CELSR1: variants seen among roughly 807,000 people sequenced by gnomAD.
CELSR1 encodes the protein cadherin EGF LAG seven-pass G-type receptor 1.
CELSR1 carries 110 observed loss-of-function variants against 249.1 expected under a neutral mutation model. The observed-to-expected ratio is 0.44, with a 90% CI of 0.38 to 0.52. CELSR1 has a LOEUF of 0.52. Ranked by LOEUF, CELSR1 falls within the 20% of genes least tolerant of loss-of-function variation. The pLI, the probability that CELSR1 is intolerant of heterozygous loss-of-function variation, is 0.00. For missense variants in CELSR1, 4,109 were observed against 4,296.4 expected, an observed-to-expected ratio of 0.96 and a Z score of 1.22; for synonymous variants, 2,113 against 1,900.0, an observed-to-expected ratio of 1.11 and a Z score of -2.92.
chr22:46,445,552 C>T lies in CELSR1; in HGVS notation c.4184-6141G>A, dbSNP rs1467921220. Reference sequence around the variant, plus strand: ...TTGGATTTAGGGTCCACCCTAAATCCACGATGACTTAAGGACCCAAACTCA... The same window carrying T: ...TTGGATTTAGGGTCCACCCTAAATCTACGATGACTTAAGGACCCAAACTCA... On this transcript the variant is annotated intron_variant, in intron 2 of 34. Transcript: ENST00000674500. This position sits in a 1 kb window ranked among gnomAD's most constrained non-coding sequence, Gnocchi z 4.4. Among the ~76,000 whole-genome samples the T allele has an allele frequency of 2.6e-5, 4 of 152,026 alleles. No individual in the cohort carries two copies. Among genetic ancestry groups the T allele is most frequent in the Non-Finnish European group, 5.9e-5 (4 of 67,992 alleles).
chr22:46,395,431 T>A lies in CELSR1; in HGVS notation c.5844-1169A>T, dbSNP rs764132058. 9.9e-5 allele frequency among the ~76,000 whole-genome samples: 15 copies of A among 151,938 alleles called. No individual in the cohort carries two copies. The highest frequency in any genetic ancestry group is 4.6e-4 in the Admixed American group (7 of 15,246). ...CCTCTCTAGATCAGCCTCATCCCCT[T>A]ACTCCTCTCCAGCTTGGCTCTGTTG... On this transcript the variant is annotated intron_variant, in intron 13 of 34. Transcript: ENST00000674500. The surrounding 1 kb of genome is among the most constrained non-coding windows in gnomAD (Gnocchi z 5.5).
At position 46,454,668 on chromosome 22, in the gene CELSR1, C is replaced by T. The variant is rs1034779967; in HGVS notation, c.4183+9039G>A. ...TCAGCTCGCCCACCTCCAAGCTGTC[C>T]GGGTGGGACGCGGGAAACCCTCTGC... On this transcript the variant is annotated intron_variant, in intron 2 of 34. Transcript: ENST00000674500. This position sits in a 1 kb window ranked among gnomAD's most constrained non-coding sequence, Gnocchi z 5.1. 2.6e-5 allele frequency among the ~76,000 whole-genome samples: 4 copies of T among 152,366 alleles called. No individual in the cohort carries two copies. The East Asian group carries it at 5.8e-4, about 22-fold the overall frequency.
rs1307098543 is a variant in CELSR1, at chr22:46,527,256, C to T, written c.3544+6371G>A. On this transcript the variant is annotated intron_variant, in intron 1 of 34. Coordinates refer to ENST00000674500, the MANE Select transcript of CELSR1 (RefSeq NM_001378328.1). This position sits in a 1 kb window ranked among gnomAD's most constrained non-coding sequence, Gnocchi z 5.5. ...GTCTGACCATCTAAGCTGGCAAAGC[C>T]CTCCTCAGCCACCCCCATGCTGGAG... is the stretch of plus-strand genomic sequence containing the variant. Among the ~76,000 whole-genome samples, 1 of 152,142 alleles carries T rather than the reference C, an allele frequency of 6.6e-6. No homozygotes were observed. Among genetic ancestry groups the T allele is most frequent in the Admixed American group, 6.6e-5 (1 of 15,266 alleles).
intron 24 of CELSR1, among the ~76,000 whole-genome samples, chr22:46,373,667 AGGGGGAGAT>A (rs756002744): frequency 0.079 from 4,005 of 50,856 alleles, 150 homozygotes; most frequent in Non-Finnish European, 0.1. Context: ...ATGGGGGAGA[AGGGGGAGAT>A]GGGGGAGATG....
At chr22:46,373,203 C>T in intron 24 of CELSR1, 146 bp from the exon 25 acceptor site, 1 of 883,106 alleles carries the variant, frequency 1.1e-6, no homozygotes, top group Non-Finnish European at 1.6e-6. Flanking sequence ...ACATGTCTGG[C>T]CAATGGCTGA....
Position 46,420,411 on chromosome 22 carries a change from CTT to C in CELSR1, c.4612-8654_4612-8653del, listed in dbSNP as rs200449415. Among the ~76,000 whole-genome samples the C allele has an allele frequency of 5.6e-3, 851 of 152,238 alleles. 10 individuals are homozygous for C. The highest frequency in any genetic ancestry group is 0.016 in the African/African-American group (657 of 41,556). ...ACTCACCCACACATTTACACGTGTGCTTCTTCACACACGTGCACACACCCACA... is the reference window on the plus strand; with the variant it reads ...ACTCACCCACACATTTACACGTGTGCCTTCACACACGTGCACACACCCACA... On this transcript the variant is annotated intron_variant, in intron 5 of 34. Coordinates refer to ENST00000674500, the MANE Select transcript of CELSR1 (RefSeq NM_001378328.1).
At position 46,417,883 on chromosome 22, in the gene CELSR1, C is replaced by T. The variant is rs986869363; in HGVS notation, c.4612-6124G>A. ...GAGTCCAGCTGGGCGGGCCCAAGGCCGGCGGGGGGCTCACAGGACAGCAGT... is the reference window on the plus strand; with the variant it reads ...GAGTCCAGCTGGGCGGGCCCAAGGCTGGCGGGGGGCTCACAGGACAGCAGT... On this transcript the variant is annotated intron_variant, in intron 5 of 34. Coordinates refer to ENST00000674500, the MANE Select transcript of CELSR1 (RefSeq NM_001378328.1). This position sits in a 1 kb window ranked among gnomAD's most constrained non-coding sequence, Gnocchi z 4.1. 6.6e-6 allele frequency among the ~76,000 whole-genome samples: 1 copy of T among 152,190 alleles called. No homozygotes were observed. The highest frequency in any genetic ancestry group is 1.5e-5 in the Non-Finnish European group (1 of 68,044).
In CELSR1 at chr22:46,366,570, C is replaced by A. The variant is rs553721996; in HGVS notation, c.8206-90G>T. ...GACTCTGTCCCCACGGCAAGCCCCC[C>A]ACACCCACACCCTGGCTGGGCCCCT... is the stretch of plus-strand genomic sequence containing the variant. On this transcript the variant is annotated intron_variant, in intron 29 of 34. Transcript: ENST00000674500. The A allele has an allele frequency of 1.9e-4, 190 of 1,026,460 alleles. 1 individual carries two copies. In the African/African-American group the frequency reaches 2.7e-3, roughly 15 times the overall value. 63.6% of individuals were successfully genotyped at this position (1,026,460 alleles called of 1,614,324 possible). A position where few individuals can be genotyped will look rare whatever the true frequency, so the allele number is the denominator to read the frequency against.
rs140558529 is a variant in CELSR1 at position 46,380,865 on chromosome 22, G to A, written c.7179C>T (p.Pro2393=). ...GAPLPRPLER[P]VLVEFALLEV... ...CCAGCAGGGCGAACTCCACCAGGACGGGCCTCTCCAGGGGTCTCGGGAGCG... is the reference window on the plus strand; with the variant it reads ...CCAGCAGGGCGAACTCCACCAGGACAGGCCTCTCCAGGGGTCTCGGGAGCG... Residue 2393 remains proline (P), a synonymous_variant, in exon 22 of 35, where the codon CCC becomes CCT. Transcript: ENST00000674500. This position sits in a 1 kb window ranked among gnomAD's most constrained non-coding sequence, Gnocchi z 5.1. 1.7e-5 allele frequency: 28 copies of A among 1,612,796 alleles called. No individual in the cohort carries two copies. Among genetic ancestry groups the A allele is most frequent in the East Asian group, 1.1e-4 (5 of 44,894 alleles).
At position 46,428,148 on chromosome 22, in the gene CELSR1, C is replaced by T. The variant is rs1477077669; in HGVS notation, c.4611+5245G>A. Among the ~76,000 whole-genome samples the T allele has an allele frequency of 6.6e-6, 1 of 152,212 alleles. No individual in the cohort carries two copies. The highest frequency in any genetic ancestry group is 2.4e-5 in the African/African-American group (1 of 41,464). ...CTCAACAGAAGCAGAGGCCGGTCCT[C>T]CGGTTTGTTGCAACCGGGCCTCATG... On this transcript the variant is annotated intron_variant, in intron 5 of 34. Transcript: ENST00000674500. The surrounding 1 kb of genome is among the most constrained non-coding windows in gnomAD (Gnocchi z 5.7).
At chr22:46,474,150 C>T (rs945791459) in intron 1 of CELSR1, among the ~76,000 whole-genome samples, 1 of 152,150 alleles carries the variant, frequency 6.6e-6, no homozygotes, top group African/African-American at 2.4e-5. Context: ...CCTGTGTTAA[C>T]CTTGCAGTCA....
At chr22:46,522,504 G>A (rs1423586222) in intron 1 of CELSR1, among the ~76,000 whole-genome samples, 1 of 152,104 alleles carries the variant, frequency 6.6e-6, no homozygotes, top group Non-Finnish European at 1.5e-5. Flanking sequence ...GTCTATTCAA[G>A]TCCTTTGCTC....
At chr22:46,371,579 T>C (rs1008201761) in intron 25 of CELSR1, among the ~76,000 whole-genome samples, 2 of 151,706 alleles carry the variant, frequency 1.3e-5, no homozygotes, top group Non-Finnish European at 2.9e-5. Context: ...CACCCACCCA[T>C]CCATTTACTC....
Position 46,500,178 on chromosome 22 carries a change from G to A in CELSR1, c.3544+33449C>T, listed in dbSNP as rs915815261. ...CCCCAGCCCCTGGTCCTCCCAGCAT[G>A]ATCCCACCCCAGCCCCTGGTCCTCC... On this transcript the variant is annotated intron_variant, in intron 1 of 34. Coordinates refer to ENST00000674500, the MANE Select transcript of CELSR1 (RefSeq NM_001378328.1). This position sits in a 1 kb window ranked among gnomAD's most constrained non-coding sequence, Gnocchi z 4.9. 3.7e-5 allele frequency among the ~76,000 whole-genome samples: 5 copies of A among 135,978 alleles called. No individual in the cohort carries two copies. Among genetic ancestry groups the A allele is most frequent in the African/African-American group, 1.5e-4 (5 of 33,522 alleles). 89.2% of individuals were successfully genotyped at this position (135,978 alleles called of 152,430 possible).
At chr22:46,431,650 C>T (rs2079596983) in intron 5 of CELSR1, among the ~76,000 whole-genome samples, 1 of 152,184 alleles carries the variant, frequency 6.6e-6, no homozygotes, top group South Asian at 2.1e-4. Flanking sequence ...GTCACCAGGT[C>T]AGAGTAGGCA....
chr22:46,456,426 A>G (rs1045544359), intron 2 of CELSR1, among the ~76,000 whole-genome samples: 7 of 152,098 alleles, frequency 4.6e-5, no homozygotes, highest in East Asian at 1.9e-4. Context: ...TTGGGAGGCC[A>G]AGGCGGGCAG....
intron 2 of CELSR1, among the ~76,000 whole-genome samples, chr22:46,455,237 T>C (rs774142589): frequency 6.6e-6 from 1 of 152,136 alleles, no homozygotes; most frequent in Non-Finnish European, 1.5e-5. Context: ...CTTTTTTCTC[T>C]TTTTCTTTTT....
rs1227709573 is a variant in CELSR1, at chr22:46,527,970, C to A, written c.3544+5657G>T. Among the ~76,000 whole-genome samples, 1 of 152,090 alleles carries A rather than the reference C, an allele frequency of 6.6e-6. No homozygotes were observed. Among genetic ancestry groups the A allele is most frequent in the East Asian group, 1.9e-4 (1 of 5,190 alleles). On this transcript the variant is annotated intron_variant, in intron 1 of 34. Coordinates refer to ENST00000674500, the MANE Select transcript of CELSR1 (RefSeq NM_001378328.1). This position sits in a 1 kb window ranked among gnomAD's most constrained non-coding sequence, Gnocchi z 5.5. ...ATTAGCCAGGCATGATGGCGGGTACCTATAATCCCAGCTACTTGGGAAGCT... is the reference window on the plus strand; with the variant it reads ...ATTAGCCAGGCATGATGGCGGGTACATATAATCCCAGCTACTTGGGAAGCT...
chr22:46,403,984 A>G (rs531020638), intron 9 of CELSR1, among the ~76,000 whole-genome samples: 9 of 150,158 alleles, frequency 6.0e-5, no homozygotes, highest in Non-Finnish European at 1.2e-4. Context: ...AAAAAAAAAA[A>G]AAAAAAGAAA....
Sources: allele counts gnomAD v4.1 joint callset (sites outside exome capture counted in the v4.1 genomes callset), GRCh38; gene constraint gnomAD v4.1.1; non-coding constraint Gnocchi (gnomAD v3.1); transcripts MANE v1.5; gene names NCBI Gene and HGNC (gene_info 2026-07-23, HGNC 2026-07-21).